CYP2C18: variants seen among roughly 807,000 people sequenced by gnomAD.
The protein encoded by CYP2C18 is cytochrome P450 family 2 subfamily C member 18.
In CYP2C18, 38 loss-of-function variants were observed where a neutral mutation model predicts 41.3. The ratio of observed to expected loss-of-function variants is 0.92; its 90% CI spans 0.71 to 1.21. The LOEUF (loss-of-function observed/expected upper bound fraction) is 1.21. Among genes scored for constraint, CYP2C18 ranks in the 50% most tolerant of loss-of-function variants. The pLI, the probability that CYP2C18 is intolerant of heterozygous loss-of-function variation, is 0.00. For missense variants in CYP2C18, 635 were observed against 591.4 expected, an observed-to-expected ratio of 1.07 and a Z score of -0.77; for synonymous variants, 236 against 210.0, an observed-to-expected ratio of 1.12 and a Z score of -1.07.
intron 4 of CYP2C18, among the ~76,000 whole-genome samples, chr10:94,703,024 TC>T (rs1847273947): frequency 6.6e-6 from 1 of 152,126 alleles, no homozygotes; most frequent in Admixed American, 6.5e-5. Context: ...TTGCTGGGGG[TC>T]CACTCCAGAC....
chr10:94,723,051 G>T (rs767244106), intron 6 of CYP2C18, among the ~76,000 whole-genome samples: 1 of 152,142 alleles, frequency 6.6e-6, no homozygotes, highest in Non-Finnish European at 1.5e-5. Context: ...AAAACATTCA[G>T]AGATAAATTA....
intron 5 of CYP2C18, among the ~76,000 whole-genome samples, chr10:94,710,907 T>TCTTCCTATAACTATAGGGA (rs1321322789): frequency 6.6e-6 from 1 of 152,216 alleles, no homozygotes; most frequent in Non-Finnish European, 1.5e-5. Context: ...AATCTTTTTT[T>TCTTCCTATAACTATAGGGA]GTATGTTAAT....
chr10:94,696,857 A>G (rs942716258), intron 4 of CYP2C18, among the ~76,000 whole-genome samples: 2 of 152,316 alleles, frequency 1.3e-5, no homozygotes, highest in Admixed American at 1.3e-4. Context: ...AGCCGATTTG[A>G]TCAACTGGAA....
At chr10:94,716,272 G>T (rs977200954) in intron 5 of CYP2C18, among the ~76,000 whole-genome samples, 2 of 152,132 alleles carry the variant, frequency 1.3e-5, no homozygotes, top group African/African-American at 4.8e-5. Flanking sequence ...TAATTGTGAT[G>T]TTAGGGTGTC....
intron 4 of CYP2C18, among the ~76,000 whole-genome samples, chr10:94,699,337 A>G (rs1340521758): frequency 6.6e-6 from 1 of 152,220 alleles, no homozygotes; most frequent in Non-Finnish European, 1.5e-5. Context: ...ACACAAATCA[A>G]TAAACGTAAT....
intron 7 of CYP2C18, among the ~76,000 whole-genome samples, chr10:94,726,383 G>A (rs892181918): frequency 5.3e-5 from 8 of 151,970 alleles, no homozygotes; most frequent in African/African-American, 1.5e-4. Flanking sequence ...GGTGTGTGAT[G>A]TTACCCTCCC....
At chr10:94,719,603 T>C (rs921928182) in intron 5 of CYP2C18, among the ~76,000 whole-genome samples, 24 of 151,510 alleles carry the variant, frequency 1.6e-4, no homozygotes, top group African/African-American at 5.8e-4. Context: ...TGAGAGGAGT[T>C]TCACTCTGTC....
intron 3 of CYP2C18, among the ~76,000 whole-genome samples, chr10:94,692,405 A>AG (rs149357568): frequency 4.0e-3 from 12 of 2,982 alleles, no homozygotes; most frequent in African/African-American, 0.014. Context: ...TTATGCAGCC[A>AG]AAAACACATG....
intron 4 of CYP2C18, among the ~76,000 whole-genome samples, chr10:94,699,543 A>G (rs956405671): frequency 6.6e-6 from 1 of 152,200 alleles, no homozygotes; most frequent in African/African-American, 2.4e-5. Context: ...CACAAACTGG[A>G]AGCATTCCCT....
chr10:94,709,448 GTTA>G (rs1489103705), intron 5 of CYP2C18, among the ~76,000 whole-genome samples: 1 of 149,334 alleles, frequency 6.7e-6, no homozygotes, highest in Non-Finnish European at 1.5e-5. Context: ...TTTAAATTAG[GTTA>G]TTATATTTTT....
intron 5 of CYP2C18, among the ~76,000 whole-genome samples, chr10:94,709,400 C>G (rs1847396274): frequency 6.6e-6 from 1 of 152,070 alleles, no homozygotes. Context: ...ATTTGTGTAT[C>G]TCTTTGGATA....
At chr10:94,701,784 A>G (rs1241759726) in intron 4 of CYP2C18, among the ~76,000 whole-genome samples, 1 of 152,164 alleles carries the variant, frequency 6.6e-6, no homozygotes, top group African/African-American at 2.4e-5. Flanking sequence ...CTGGGAGTGA[A>G]TGAGCCTGAC....
At chr10:94,702,037 T>C (rs1484137173) in intron 4 of CYP2C18, among the ~76,000 whole-genome samples, 2 of 152,196 alleles carry the variant, frequency 1.3e-5, no homozygotes, top group Non-Finnish European at 2.9e-5. Flanking sequence ...AAAATTCTTT[T>C]CTTTAAAAAT....
rs1847701400 is a variant in CYP2C18, at chr10:94,724,460, T to C, written c.1076T>C (p.Ile359Thr). Residue 359 changes from isoleucine to threonine, a missense_variant, in exon 7 of 9, where the codon ATT (isoleucine) becomes ACT (threonine). By Grantham distance (89) the Ile-to-Thr change is moderately conservative. Coordinates refer to ENST00000285979, the MANE Select transcript of CYP2C18 (RefSeq NM_000772.3). Reference sequence around the variant, plus strand: ...GTGGTGCACGAGATCCAGAGATACATTGACCTCCTCCCCACCAACCTGCCC... The same window carrying C: ...GTGGTGCACGAGATCCAGAGATACACTGACCTCCTCCCCACCAACCTGCCC... ...DAVVHEIQRY[I>T]DLLPTNLPHA... 1.2e-6 allele frequency: 2 copies of C among 1,613,508 alleles called. No homozygotes were observed. The highest frequency in any genetic ancestry group is 1.7e-5 in the Admixed American group (1 of 59,908).
intron 5 of CYP2C18, among the ~76,000 whole-genome samples, chr10:94,712,028 T>TTTTTTTTTTTTTTTTTTTTTTTTTTG (rs1847446163): frequency 2.4e-5 from 3 of 123,548 alleles, no homozygotes; most frequent in Admixed American, 9.2e-5. Flanking sequence ...TTTTTTTTTT[T>TTTTTTTTTTTTTTTTTTTTTTTTTTG]GTAGAGATAG....
chr10:94,733,168 G>C (rs1332275193), intron 7 of CYP2C18, 129 bp from the exon 8 acceptor site: 1 of 855,406 alleles, frequency 1.2e-6, no homozygotes, highest in East Asian at 2.7e-5. Context: ...TGTCTGGGTG[G>C]GAATGTAACT....
rs539511461 is a variant in CYP2C18 at position 94,695,052 on chromosome 10, G to T, written c.617G>T (p.Arg206Met). 292 of 1,612,686 alleles carry T rather than the reference G, an allele frequency of 1.8e-4. 3 individuals carry two copies. In the South Asian group the frequency reaches 2.9e-3, roughly 16 times the overall value. Reference protein sequence around the residue: ...NLMEKFNENLRILSSPWIQVC... With the variant: ...NLMEKFNENLMILSSPWIQVC... The stretch of plus-strand genomic sequence containing the variant: ...ATGGAAAAATTCAATGAAAACCTCA[G>T]GATTCTGAGCTCTCCATGGATCCAG... Residue 206 changes from arginine to methionine, a missense_variant, in exon 4 of 9, where the codon AGG becomes ATG. Arg to Met is a moderately conservative substitution (Grantham distance 91). Coordinates refer to ENST00000285979, the MANE Select transcript of CYP2C18 (RefSeq NM_000772.3).
chr10:94,702,492 A>G (rs542131233), intron 4 of CYP2C18, among the ~76,000 whole-genome samples: 2 of 151,602 alleles, frequency 1.3e-5, no homozygotes, highest in Non-Finnish European at 2.9e-5. Context: ...TTGATCTTCA[A>G]TGTCTGTTAT....
At chr10:94,724,206 C>T (rs1172065875) in intron 6 of CYP2C18, 140 bp from the exon 7 acceptor site, 28 of 799,542 alleles carry the variant, frequency 3.5e-5, no homozygotes, top group East Asian at 5.1e-5. Context: ...TAATTTCTTC[C>T]CTAAGTCTAG....
Sources: allele counts gnomAD v4.1 joint callset (sites outside exome capture counted in the v4.1 genomes callset), GRCh38; gene constraint gnomAD v4.1.1; transcripts MANE v1.5; gene names NCBI Gene and HGNC (gene_info 2026-07-23, HGNC 2026-07-21).